Variants in COMMD1 observed in about 807,000 individuals in gnomAD.
COMMD1 encodes the protein COMM domain-containing protein 1.
In COMMD1, 10 loss-of-function variants were observed where a neutral mutation model predicts 17.2. That is an observed-to-expected ratio of 0.58 (90% CI 0.36 to 0.99). The LOEUF (loss-of-function observed/expected upper bound fraction) is 0.99, where lower values mean the gene tolerates loss of function less well. Ranked by LOEUF, COMMD1 falls within the 50% of genes least tolerant of loss-of-function variation. The probability of loss-of-function intolerance (pLI) is 0.01; values close to 1 mark genes in which losing one functional copy is unlikely to be tolerated. For missense variants in COMMD1, 270 were observed against 231.8 expected (o/e 1.17, Z -1.07); for synonymous variants, 97 against 91.6 (o/e 1.06, Z -0.34).
rs190028226 is a variant in COMMD1 at position 61,919,526 on chromosome 2, C to G, written c.180+13668C>G. The stretch of plus-strand genomic sequence containing the variant: ...TTGTAGAGACAGGGTTTTGCCATGT[C>G]GATCAGGCTTCATCGCGTTTTTTTT... On this transcript the variant is annotated intron_variant, in intron 1 of 2. Coordinates refer to ENST00000311832, the MANE Select transcript of COMMD1 (RefSeq NM_152516.4). Among the ~76,000 whole-genome samples, 323 of 147,722 alleles carry G rather than the reference C, an allele frequency of 2.2e-3. 1 individual carries two copies. The highest frequency in any genetic ancestry group is 7.9e-3 in the African/African-American group (316 of 40,142).
chr2:62,016,539 C>T (rs963853409), intron 2 of COMMD1, among the ~76,000 whole-genome samples: 2 of 150,368 alleles, frequency 1.3e-5, no homozygotes, highest in African/African-American at 4.9e-5. Flanking sequence ...ACACCAAACA[C>T]CTGAACTCAT....
At chr2:61,930,522 C>T (rs1238309388) in intron 1 of COMMD1, among the ~76,000 whole-genome samples, 1 of 152,020 alleles carries the variant, frequency 6.6e-6, no homozygotes, top group Non-Finnish European at 1.5e-5. Flanking sequence ...TGCCATTGCA[C>T]TCTATCCTGG....
chr2:61,892,450 T>A lies in COMMD1; in HGVS notation n.119+3608T>A, dbSNP rs140409051. Among the ~76,000 whole-genome samples the A allele has an allele frequency of 2.1e-4, 32 of 151,890 alleles. No individual in the cohort carries two copies. In the East Asian group the frequency reaches 6.3e-3, roughly 30 times the overall value. On this transcript the variant is annotated intron_variant and non_coding_transcript_variant, in intron 1 of 2. Coordinates refer to the COMMD1 transcript ENST00000472729. The stretch of plus-strand genomic sequence containing the variant: ...GGCTCATGCTGTAATCCCAGCACCT[T>A]GGGAGGCGGAGGAGGGTGGATCAGC...
At chr2:61,901,625 C>A (rs781009224), upstream of COMMD1, among the ~76,000 whole-genome samples, 5 of 151,922 alleles carry the variant, frequency 3.3e-5, no homozygotes, top group Admixed American at 1.3e-4. Flanking sequence ...TCTGTCCCCC[C>A]ACAAAAAATA....
intron 1 of COMMD1, among the ~76,000 whole-genome samples, chr2:61,924,395 G>A (rs370582849): frequency 1.4e-5 from 2 of 144,360 alleles, no homozygotes; most frequent in South Asian, 2.4e-4. Flanking sequence ...TGGTTGGAGA[G>A]GGGGGAAGAG....
chr2:62,059,640 C>T (rs1453256057), intron 2 of COMMD1, among the ~76,000 whole-genome samples: 1 of 152,118 alleles, frequency 6.6e-6, no homozygotes, highest in Non-Finnish European at 1.5e-5. Flanking sequence ...TGATTATAAC[C>T]CACTACAGCC....
chr2:62,103,580 T>G (rs1672245673), intron 2 of COMMD1, among the ~76,000 whole-genome samples: 1 of 152,232 alleles, frequency 6.6e-6, no homozygotes, highest in Non-Finnish European at 1.5e-5. Flanking sequence ...ACTTAGCATG[T>G]AGTCATCTTT....
chr2:62,086,890 C>T (rs561459291), intron 2 of COMMD1, among the ~76,000 whole-genome samples: 24 of 151,702 alleles, frequency 1.6e-4, no homozygotes, highest in African/African-American at 5.8e-4. Flanking sequence ...GAGTCTCCCT[C>T]TGTTGCCCAG....
At chr2:62,110,461 A>G (rs1378803420) in intron 2 of COMMD1, among the ~76,000 whole-genome samples, 2 of 152,214 alleles carry the variant, frequency 1.3e-5, no homozygotes, top group Non-Finnish European at 2.9e-5. Context: ...TTTATGCCTA[A>G]TTCACTGACT....
At chr2:61,972,123 A>C (rs746409626) in intron 1 of COMMD1, among the ~76,000 whole-genome samples, 8 of 152,286 alleles carry the variant, frequency 5.3e-5, no homozygotes, top group Non-Finnish European at 1.0e-4. Flanking sequence ...CTGTTTAAAA[A>C]AACAAACAAA....
chr2:61,925,078 T>C (rs929181351), intron 1 of COMMD1, among the ~76,000 whole-genome samples: 1 of 152,020 alleles, frequency 6.6e-6, no homozygotes, highest in African/African-American at 2.4e-5. Context: ...CTTTGATGCA[T>C]TGATGGTGGA....
intron 1 of COMMD1, among the ~76,000 whole-genome samples, chr2:61,892,396 A>T (rs1030884416): frequency 3.3e-5 from 5 of 152,080 alleles, no homozygotes; most frequent in African/African-American, 1.2e-4. Context: ...TTAAGGTTAG[A>T]AAAGAAGAGA....
intron 2 of COMMD1, among the ~76,000 whole-genome samples, chr2:62,002,328 T>TA (rs1316395214): frequency 6.8e-6 from 1 of 146,476 alleles, no homozygotes; most frequent in Non-Finnish European, 1.5e-5. Flanking sequence ...TTGTCTCTAC[T>TA]AAAAACACAA....
intron 1 of COMMD1, among the ~76,000 whole-genome samples, chr2:61,992,838 C>G (rs1672286190): frequency 6.6e-6 from 1 of 152,174 alleles, no homozygotes; most frequent in Non-Finnish European, 1.5e-5. Context: ...GATAGTAATA[C>G]ATGCATAATA....
chr2:62,106,857 A>C (rs1672337393), intron 2 of COMMD1, among the ~76,000 whole-genome samples: 1 of 152,240 alleles, frequency 6.6e-6, no homozygotes, highest in Admixed American at 6.5e-5. Context: ...ACTGTAAATC[A>C]AGAAACAAAG....
intron 2 of COMMD1, among the ~76,000 whole-genome samples, chr2:62,011,675 T>C (rs1669282278): frequency 6.6e-6 from 1 of 152,168 alleles, no homozygotes. Context: ...GACAAGTTTA[T>C]TATCTTATGG....
chr2:62,074,509 C>T (rs1340671436), intron 2 of COMMD1, among the ~76,000 whole-genome samples: 1 of 152,142 alleles, frequency 6.6e-6, no homozygotes, highest in Non-Finnish European at 1.5e-5. Flanking sequence ...GGTTTAGATG[C>T]CTTCTACCAG....
At chr2:61,928,654 G>A (rs1254687281) in intron 1 of COMMD1, 1 of 152,166 alleles carries the variant, frequency 6.6e-6, no homozygotes, top group Non-Finnish European at 1.5e-5. Context: ...TGGGAATGGA[G>A]AAGGAACAAA....
chr2:62,012,270 TACACACACACACACAC>T (rs57739132), intron 2 of COMMD1, among the ~76,000 whole-genome samples: 2 of 129,896 alleles, frequency 1.5e-5, no homozygotes, highest in African/African-American at 3.0e-5. Context: ...CACACACACA[TACACACACACACACAC>T]ACACACACAC....
Sources: allele counts gnomAD v4.1 joint callset (sites outside exome capture counted in the v4.1 genomes callset), GRCh38; gene constraint gnomAD v4.1.1; transcripts MANE v1.5; gene names NCBI Gene and HGNC (gene_info 2026-07-23, HGNC 2026-07-21).